Variants in CFH observed in about 807,000 individuals in gnomAD.
CFH encodes the protein complement factor H.
CFH carries 53 observed loss-of-function variants against 147.3 expected under a neutral mutation model. That is an observed-to-expected ratio of 0.36 (90% CI 0.29 to 0.45). The LOEUF is 0.45. Among genes scored for constraint, CFH ranks in the 20% least tolerant of loss-of-function variants. CFH has a pLI of 1.00. For missense variants in CFH, 1,380 were observed against 1,498.0 expected (o/e 0.92, Z 1.30); for synonymous variants, 536 against 489.4 (o/e 1.10, Z -1.26).
At position 196,713,905 on chromosome 1, in the gene CFH, C is replaced by T. The variant is rs570523689; in HGVS notation, c.1507C>T (p.Pro503Ser). ...TCGKDGWSAQ[P>S]TCIKSCDIPV... ...TGGGAAAGATGGATGGTCAGCTCAA[C>T]CCACGTGCATTAGTAAGTAATTTAT... Residue 503 changes from proline to serine, a missense_variant, in exon 10 of 22, where the codon CCC becomes TCC. Physicochemically the swap from Pro to Ser is moderately conservative, Grantham distance 74. This residue lies in a region of CFH where 830 missense variants were observed against 821.4 expected (regional missense o/e 1.01). Transcript: ENST00000367429. 7 of 1,612,198 alleles carry T rather than the reference C, an allele frequency of 4.3e-6. No individual in the cohort carries two copies. The South Asian group carries it at 5.5e-5, about 13-fold the overall frequency.
rs1158949859 is a variant in CFH at position 196,685,097 on chromosome 1, G to T, written c.824G>T (p.Gly275Val). ...KSCDNPYIPNGDYSPLRIKHR... is the reference protein window; with the variant it reads ...KSCDNPYIPNVDYSPLRIKHR... Reference sequence around the variant, plus strand: ...TGTGATAATCCTTATATTCCAAATGGTGACTACTCACCTTTAAGGATTAAA... The same window carrying T: ...TGTGATAATCCTTATATTCCAAATGTTGACTACTCACCTTTAAGGATTAAA... Residue 275 changes from glycine to valine, a missense_variant, in exon 7 of 22, where the codon GGT becomes GTT. Gly to Val is a moderately radical substitution (Grantham distance 109). Transcript: ENST00000367429. 1 of 1,610,812 alleles carries T rather than the reference G, an allele frequency of 6.2e-7. No individual in the cohort carries two copies. The highest frequency in any genetic ancestry group is 8.5e-7 in the Non-Finnish European group (1 of 1,177,980).
At chr1:196,690,938 C>G (rs1390079216) in intron 9 of CFH, among the ~76,000 whole-genome samples, 33 of 152,124 alleles carry the variant, frequency 2.2e-4, no homozygotes, top group Admixed American at 2.2e-3. Context: ...ATGAACATGC[C>G]TAGTCCCAGG....
At chr1:196,676,591 G>A (rs1443684821) in intron 4 of CFH, among the ~76,000 whole-genome samples, 1 of 152,008 alleles carries the variant, frequency 6.6e-6, no homozygotes. Flanking sequence ...AGAAAATGTA[G>A]ATTCTGTTTT....
intron 1 of CFH, among the ~76,000 whole-genome samples, chr1:196,659,794 T>G (rs963382164): frequency 1.3e-5 from 2 of 152,142 alleles, no homozygotes; most frequent in African/African-American, 4.8e-5. Context: ...TTTGGTCCAG[T>G]GTCCAAGTCC....
chr1:196,737,241 T>C (rs1270270786), intron 16 of CFH, among the ~76,000 whole-genome samples: 1 of 152,150 alleles, frequency 6.6e-6, no homozygotes, highest in Non-Finnish European at 1.5e-5. Context: ...TTCATGCATA[T>C]TTTAATCCTT....
At chr1:196,659,939 G>A (rs974470126) in intron 1 of CFH, among the ~76,000 whole-genome samples, 1 of 152,210 alleles carries the variant, frequency 6.6e-6, no homozygotes, top group African/African-American at 2.4e-5. Context: ...TTCTTCAATT[G>A]TGGGGAGCTT....
intron 6 of CFH, among the ~76,000 whole-genome samples, chr1:196,681,950 T>TGAA (rs1667673112): frequency 6.6e-6 from 1 of 151,744 alleles, no homozygotes; most frequent in Admixed American, 6.6e-5. Context: ...AAACTCTCTT[T>TGAA]GTTGCTTCTA....
intron 9 of CFH, chr1:196,692,283 C>A: frequency 4.2e-6 from 1 of 236,950 alleles, no homozygotes; most frequent in Non-Finnish European, 6.9e-6. Flanking sequence ...CTAATCATGA[C>A]CTTTCACCCA....
chr1:196,672,506 T>C (rs1667316300), intron 1 of CFH, among the ~76,000 whole-genome samples: 1 of 152,226 alleles, frequency 6.6e-6, no homozygotes, highest in Admixed American at 6.5e-5. Context: ...TTTCTACCTG[T>C]AATGCATATT....
Position 196,676,192 on chromosome 1 carries a change from G to A in CFH, c.427+127G>A, listed in dbSNP as rs189220686. 5.4e-4 allele frequency: 308 copies of A among 573,564 alleles called. 1 individual carries two copies. Among genetic ancestry groups the A allele is most frequent in the Middle Eastern group, 3.4e-3 (7 of 2,030 alleles). The allele number at this position is 573,564 out of a possible 1,614,324, so 35.5% of individuals were successfully genotyped here. A position where few individuals can be genotyped will look rare whatever the true frequency, so the allele number is the denominator to read the frequency against. On this transcript the variant is annotated intron_variant, in intron 4 of 21. Coordinates refer to ENST00000367429, the MANE Select transcript of CFH (RefSeq NM_000186.4). ...TTAATGTTTTTTTTTCTCATACAAT[G>A]TAGAGTGGGAATCTAGTCTTTTTAT...
chr1:196,710,567 G>A (rs977933227), intron 9 of CFH, among the ~76,000 whole-genome samples: 14 of 151,984 alleles, frequency 9.2e-5, no homozygotes, highest in African/African-American at 3.4e-4. Context: ...ATCTTTTGAA[G>A]AATTGTTTAG....
intron 17 of CFH, among the ~76,000 whole-genome samples, chr1:196,739,389 T>G (rs1483719880): frequency 6.6e-6 from 1 of 152,220 alleles, no homozygotes; most frequent in Admixed American, 6.5e-5. Flanking sequence ...TGCTTCCTCT[T>G]GAGCTCTTTG....
chr1:196,673,118 A>C lies in CFH; in HGVS notation c.199A>C (p.Arg67=), dbSNP rs1667339143. The change falls in exon 2 of 22, where the codon AGG becomes CGG. Residue 67 remains arginine, a synonymous_variant. Coordinates refer to ENST00000367429, the MANE Select transcript of CFH (RefSeq NM_000186.4). ...TCTTGGAAATGTAATAATGGTATGC[A>C]GGAAGGGAGAATGGGTTGCTCTTAA... ...RSLGNVIMVC[R]KGEWVALNPL... is the part of the protein sequence containing the mutation. 5 of 1,613,822 alleles carry C rather than the reference A, an allele frequency of 3.1e-6. No individual in the cohort carries two copies. The highest frequency in any genetic ancestry group is 2.2e-5 in the East Asian group (1 of 44,870).
At position 196,737,560 on chromosome 1, in the gene CFH, G is replaced by A. The variant is rs748718955; in HGVS notation, c.2682G>A (p.Gly894=). 1.2e-6 allele frequency: 2 copies of A among 1,613,170 alleles called. No homozygotes were observed. The highest frequency in any genetic ancestry group is 1.7e-6 in the Non-Finnish European group (2 of 1,179,416). ...SRSSQESYAH[G]TKLSYTCEGG... ...CTTCACAAGAAAGTTATGCACATGG[G>A]ACTAAATTGAGTTATACTTGTGAGG... Residue 894 remains glycine, a synonymous_variant, in exon 17 of 22, where the codon GGG becomes GGA. Coordinates refer to ENST00000367429, the MANE Select transcript of CFH (RefSeq NM_000186.4).
At chr1:196,735,710 C>A (rs561092509) in intron 15 of CFH, among the ~76,000 whole-genome samples, 4 of 151,960 alleles carry the variant, frequency 2.6e-5, no homozygotes, top group African/African-American at 9.6e-5. Flanking sequence ...AAATAGTTGA[C>A]CATTAATCTT....
At chr1:196,707,451 T>C (rs980915872) in intron 9 of CFH, among the ~76,000 whole-genome samples, 1 of 152,204 alleles carries the variant, frequency 6.6e-6, no homozygotes, top group Admixed American at 6.5e-5. Flanking sequence ...CCAACTGACA[T>C]TCTCTTTCAT....
intron 21 of CFH, among the ~76,000 whole-genome samples, chr1:196,746,445 C>T (rs1392052233): frequency 1.3e-5 from 2 of 152,068 alleles, no homozygotes; most frequent in African/African-American, 2.4e-5. Flanking sequence ...AGCGAGACTC[C>T]GTCTCAATAA....
chr1:196,745,750 G>A (rs1308536978), intron 20 of CFH, 67 bp from the exon 21 acceptor site: 1 of 1,607,058 alleles, frequency 6.2e-7, no homozygotes, highest in Non-Finnish European at 8.5e-7. Context: ...GTTTGCGTTT[G>A]CCTTATTTGA....
rs778371527 is a variant in CFH, at chr1:196,728,529, T to C, written c.2413+7T>C. 1 of 1,611,930 alleles carries C rather than the reference T, an allele frequency of 6.2e-7. No homozygotes were observed. Among genetic ancestry groups the C allele is most frequent in the South Asian group, 1.1e-5 (1 of 91,050 alleles). Reference sequence around the variant, plus strand: ...CCAGAAGTGAACTGCTCAAGTAAGCTCTTATTTTGTTTTCAGAAATGTATT... The same window carrying C: ...CCAGAAGTGAACTGCTCAAGTAAGCCCTTATTTTGTTTTCAGAAATGTATT... On this transcript the variant is annotated splice_region_variant and intron_variant, in intron 15 of 21. Transcript: ENST00000367429.
Sources: allele counts gnomAD v4.1 joint callset (sites outside exome capture counted in the v4.1 genomes callset), GRCh38; gene constraint gnomAD v4.1.1; regional missense constraint gnomAD v4.1.1; transcripts MANE v1.5; gene names NCBI Gene and HGNC (gene_info 2026-07-23, HGNC 2026-07-21).